TUSC3: variants seen among roughly 807,000 people sequenced by gnomAD.
The protein encoded by TUSC3 is dolichyl-diphosphooligosaccharide--protein glycosyltransferase subunit TUSC3.
In TUSC3, 45 loss-of-function variants were observed where a neutral mutation model predicts 44.8. The ratio of observed to expected loss-of-function variants is 1.00; its 90% CI spans 0.79 to 1.29. TUSC3 has a LOEUF of 1.29. TUSC3 is among the 50% of genes most tolerant of loss of function. TUSC3 has a pLI of 0.00. For synonymous variants in TUSC3, 212 were observed against 152.9 expected (o/e 1.39, Z -2.85); for missense variants, 519 against 437.9 (o/e 1.19, Z -1.65).
chr8:15,791,992 TTTTC>T, the TUSC3 span, among the ~76,000 whole-genome samples: 1 of 152,124 alleles, frequency 6.6e-6, no homozygotes, highest in African/African-American at 2.4e-5. Context: ...AGACATTCCT[TTTTC>T]TTTCTAACAT....
At chr8:15,603,232 T>A (rs569237657) in intron 1 of TUSC3, among the ~76,000 whole-genome samples, 1 of 151,826 alleles carries the variant, frequency 6.6e-6, no homozygotes, top group African/African-American at 2.4e-5. Flanking sequence ...AGTTTATCAC[T>A]GGAACCTGAG....
chr8:15,512,931 CATAT>C lies in TUSC3; in HGVS notation n.189+29473_189+29476del, dbSNP rs10696221. ...ATATATATGTATCTATATATATAAT[CATAT>C]ATATATATATATATATATATATATG... On this transcript the variant is annotated intron_variant and non_coding_transcript_variant, in intron 2 of 5. Transcript: ENST00000503191. Among the ~76,000 whole-genome samples the C allele has an allele frequency of 7.1e-3, 781 of 110,590 alleles. 20 individuals carry two copies. The highest frequency in any genetic ancestry group is 0.032 in the African/African-American group (750 of 23,298). The allele number at this position is 110,590 out of a possible 152,430, so 72.6% of individuals were successfully genotyped here. A position where few individuals can be genotyped will look rare whatever the true frequency, so the allele number is the denominator to read the frequency against.
intron 2 of TUSC3, among the ~76,000 whole-genome samples, chr8:15,493,304 A>G (rs1220450295): frequency 2.0e-5 from 3 of 152,050 alleles, no homozygotes; most frequent in East Asian, 1.9e-4. Context: ...TCTGTTGCCC[A>G]GGCTAGAGTG....
chr8:15,649,775 C>A (rs1472902776), intron 2 of TUSC3, among the ~76,000 whole-genome samples: 1 of 152,098 alleles, frequency 6.6e-6, no homozygotes, highest in Non-Finnish European at 1.5e-5. Context: ...ATTTGTGGAA[C>A]TCTTTCTGCT....
At chr8:15,426,273 T>C (rs1799802657) in intron 1 of TUSC3, among the ~76,000 whole-genome samples, 1 of 152,220 alleles carries the variant, frequency 6.6e-6, no homozygotes, top group Non-Finnish European at 1.5e-5. Context: ...ACATAAAATC[T>C]ACCCTCTTAA....
intron 2 of TUSC3, among the ~76,000 whole-genome samples, chr8:15,626,518 G>T (rs1283195159): frequency 6.6e-6 from 1 of 152,236 alleles, no homozygotes; most frequent in Non-Finnish European, 1.5e-5. Context: ...CTTTGGGGCA[G>T]GAAGCAGGCA....
the TUSC3 span, among the ~76,000 whole-genome samples, chr8:15,839,799 C>T: frequency 3.3e-5 from 5 of 152,134 alleles, no homozygotes; most frequent in Non-Finnish European, 5.9e-5. Context: ...CTAGTTCAAC[C>T]ATTGTGGAAG....
intron 1 of TUSC3, among the ~76,000 whole-genome samples, chr8:15,481,132 C>T (rs1374995205): frequency 2.0e-5 from 3 of 151,646 alleles, no homozygotes; most frequent in South Asian, 2.1e-4. Flanking sequence ...ACTGTAATCC[C>T]AGCTACTTGG....
chr8:15,489,671 A>G (rs983647048), intron 2 of TUSC3, among the ~76,000 whole-genome samples: 2 of 152,156 alleles, frequency 1.3e-5, no homozygotes, highest in African/African-American at 2.4e-5. Flanking sequence ...TGCCACAAAG[A>G]GTCTGTTTTG....
chr8:15,457,658 A>G (rs1390818152), intron 1 of TUSC3, among the ~76,000 whole-genome samples: 4 of 150,198 alleles, frequency 2.7e-5, no homozygotes, highest in African/African-American at 4.9e-5. Context: ...ATCCATAGGA[A>G]AATTAATATA....
At position 15,546,893 on chromosome 8, in the gene TUSC3, C is replaced by G. The variant is rs182714236; in HGVS notation, c.138+6325C>G. On this transcript the variant is annotated intron_variant, in intron 1 of 10. Coordinates refer to ENST00000503731, the MANE Select transcript of TUSC3 (RefSeq NM_006765.4). ...TCTGTTTGCCTGCCTGCCTGCCTGCCTCCCAGTTGGCCTGTCTCTATTTCT... is the reference window on the plus strand; with the variant it reads ...TCTGTTTGCCTGCCTGCCTGCCTGCGTCCCAGTTGGCCTGTCTCTATTTCT... Among the ~76,000 whole-genome samples the G allele has an allele frequency of 1.1e-3, 169 of 151,694 alleles. 4 individuals are homozygous for G. The highest frequency in any genetic ancestry group is 0.01 in the Middle Eastern group (3 of 290).
intron 1 of TUSC3, among the ~76,000 whole-genome samples, chr8:15,472,735 T>C (rs1175639707): frequency 6.6e-6 from 1 of 152,204 alleles, no homozygotes; most frequent in Non-Finnish European, 1.5e-5. Context: ...TTATTTCATA[T>C]GGTGCCGATA....
At chr8:15,771,709 AC>A in the TUSC3 span, among the ~76,000 whole-genome samples, 3 of 152,198 alleles carry the variant, frequency 2.0e-5, no homozygotes, top group African/African-American at 7.2e-5. Context: ...ACAAATGAAA[AC>A]AAAAATTCTA....
intron 10 of TUSC3, among the ~76,000 whole-genome samples, chr8:15,761,522 T>C (rs1002797135): frequency 1.3e-5 from 2 of 152,212 alleles, no homozygotes; most frequent in Non-Finnish European, 2.9e-5. Context: ...CATTTTCTAT[T>C]ACTATCTCAG....
intron 4 of TUSC3, among the ~76,000 whole-genome samples, chr8:15,660,842 T>A (rs1366028069): frequency 6.7e-6 from 1 of 150,060 alleles, no homozygotes; most frequent in Non-Finnish European, 1.5e-5. Flanking sequence ...TAAATTTTAA[T>A]CAGAACTTAT....
chr8:15,484,326 T>A (rs1001976065), intron 2 of TUSC3, among the ~76,000 whole-genome samples: 1 of 152,216 alleles, frequency 6.6e-6, no homozygotes, highest in African/African-American at 2.4e-5. Flanking sequence ...CATTAATCTC[T>A]CCTTATCAGA....
chr8:15,741,005 T>C lies in TUSC3; in HGVS notation c.863-2533T>C, dbSNP rs192489348. On this transcript the variant is annotated intron_variant, in intron 7 of 10. Transcript: ENST00000503731. Reference sequence around the variant, plus strand: ...AACATGTTACTCATAGTTTTCAACATTGTAACAATACAGAGGGAGAGTAGT... The same window carrying C: ...AACATGTTACTCATAGTTTTCAACACTGTAACAATACAGAGGGAGAGTAGT... Among the ~76,000 whole-genome samples the C allele has an allele frequency of 7.9e-5, 12 of 152,298 alleles. No homozygotes were observed. The East Asian group carries it at 1.7e-3, about 22-fold the overall frequency.
chr8:15,803,115 T>A, the TUSC3 span, among the ~76,000 whole-genome samples: 1 of 152,208 alleles, frequency 6.6e-6, no homozygotes, highest in African/African-American at 2.4e-5. Flanking sequence ...TTAGTTACCT[T>A]CATAATGTTG....
At chr8:15,497,883 T>A (rs984614068) in intron 2 of TUSC3, among the ~76,000 whole-genome samples, 1 of 152,030 alleles carries the variant, frequency 6.6e-6, no homozygotes, top group Non-Finnish European at 1.5e-5. Context: ...TAGTTGGGAT[T>A]CTGTAATCTC....
Sources: allele counts gnomAD v4.1 joint callset (sites outside exome capture counted in the v4.1 genomes callset), GRCh38; gene constraint gnomAD v4.1.1; transcripts MANE v1.5; gene names NCBI Gene and HGNC (gene_info 2026-07-23, HGNC 2026-07-21).